The following GOLPH3L variants were observed in gnomAD, a reference collection of about 807,000 sequenced individuals.
GOLPH3L encodes Golgi phosphoprotein 3-like.
Under a neutral mutation model 30.3 loss-of-function variants are expected in GOLPH3L, and 22 were observed. That is an observed-to-expected ratio of 0.73 (90% CI 0.52 to 1.04). GOLPH3L has a LOEUF of 1.04. GOLPH3L is among the 50% of genes least tolerant of loss of function. The pLI, the probability that GOLPH3L is intolerant of heterozygous loss-of-function variation, is 0.00. For missense variants in GOLPH3L, 303 were observed against 345.8 expected, an observed-to-expected ratio of 0.88 and a Z score of 0.98; for synonymous variants, 120 against 128.2, an observed-to-expected ratio of 0.94 and a Z score of 0.43.
chr1:150,658,834 T>C (rs12032445), intron 4 of GOLPH3L, among the ~76,000 whole-genome samples: 11,331 of 152,274 alleles, frequency 0.074, 594 homozygotes, highest in East Asian at 0.19. Context: ...CTGTAGGAGC[T>C]AAACATAAGG....
chr1:150,689,334 G>T lies in GOLPH3L; in HGVS notation c.183+5322C>A, dbSNP rs587693994. Among the ~76,000 whole-genome samples, 12 of 152,236 alleles carry T rather than the reference G, an allele frequency of 7.9e-5. No individual in the cohort carries two copies. In the South Asian group the frequency reaches 2.3e-3, roughly 29 times the overall value. On this transcript the variant is annotated intron_variant, in intron 2 of 4. Coordinates refer to ENST00000271732, the MANE Select transcript of GOLPH3L (RefSeq NM_018178.6). ...CTTACTCCCCTTACAGGTAACTTAA[G>T]AAACGATTCTAATAAATGAAAAGTT...
chr1:150,648,286 C>A lies in GOLPH3L; in HGVS notation c.*35G>T. ...TGATGGGGTCTCTGACAGTCACCAG[C>A]CAGCAGGGGAAAAGGAGAAATCCAC... On this transcript the variant is annotated 3_prime_UTR_variant, in exon 5 of 5. Transcript: ENST00000271732. 1 of 1,456,878 alleles carries A rather than the reference C, an allele frequency of 6.9e-7. No homozygotes were observed. The highest frequency in any genetic ancestry group is 9.4e-7 in the Non-Finnish European group (1 of 1,064,208). 90.2% of individuals were successfully genotyped at this position (1,456,878 alleles called of 1,614,324 possible). A position where few individuals can be genotyped will look rare whatever the true frequency, so the allele number is the denominator to read the frequency against.
rs138904157 is a variant in GOLPH3L at position 150,648,139 on chromosome 1, A to G, written c.*182T>C. 1.9e-6 allele frequency: 1 copy of G among 517,210 alleles called. No individual in the cohort carries two copies. The highest frequency in any genetic ancestry group is 1.9e-5 in the African/African-American group (1 of 52,714). 32.0% of individuals were successfully genotyped at this position (517,210 alleles called of 1,614,324 possible). On this transcript the variant is annotated 3_prime_UTR_variant, in exon 5 of 5. Coordinates refer to ENST00000271732, the MANE Select transcript of GOLPH3L (RefSeq NM_018178.6). ...ATGGAGTGGAAGTGTAGGGAGAAATAAGGTCTGCTTATAATGGTCAAGGTC... is the reference window on the plus strand; with the variant it reads ...ATGGAGTGGAAGTGTAGGGAGAAATGAGGTCTGCTTATAATGGTCAAGGTC...
At chr1:150,654,375 G>T (rs1405239554) in intron 4 of GOLPH3L, among the ~76,000 whole-genome samples, 1 of 151,534 alleles carries the variant, frequency 6.6e-6, no homozygotes, top group Admixed American at 6.6e-5. Flanking sequence ...GTGTGGTGGT[G>T]GGAGCCTGTA....
intron 2 of GOLPH3L, among the ~76,000 whole-genome samples, chr1:150,670,754 T>G (rs954441618): frequency 1.3e-5 from 2 of 152,236 alleles, no homozygotes; most frequent in African/African-American, 2.4e-5. Flanking sequence ...ATATTATTTC[T>G]AGAAATGGCA....
intron 4 of GOLPH3L, among the ~76,000 whole-genome samples, chr1:150,649,570 A>G (rs1650058009): frequency 6.6e-6 from 1 of 152,224 alleles, no homozygotes; most frequent in Non-Finnish European, 1.5e-5. Context: ...CCAGAGAAAC[A>G]GAAAGCCAAG....
intron 2 of GOLPH3L, among the ~76,000 whole-genome samples, chr1:150,690,032 G>A (rs1027792793): frequency 6.6e-6 from 1 of 151,930 alleles, no homozygotes; most frequent in African/African-American, 2.4e-5. Flanking sequence ...TGTCACCCAG[G>A]TTGGAGTACA....
intron 2 of GOLPH3L, among the ~76,000 whole-genome samples, chr1:150,689,055 A>T (rs1465982882): frequency 6.6e-6 from 1 of 152,102 alleles, no homozygotes; most frequent in Non-Finnish European, 1.5e-5. Context: ...ATTCAATAAA[A>T]TTTTTGGTGA....
At chr1:150,649,607 C>G (rs960207227) in intron 4 of GOLPH3L, among the ~76,000 whole-genome samples, 7 of 152,174 alleles carry the variant, frequency 4.6e-5, no homozygotes, top group Admixed American at 2.0e-4. Context: ...TCATGACCAA[C>G]ACTGGGGGTT....
chr1:150,689,607 T>G (rs1157359341), intron 2 of GOLPH3L, among the ~76,000 whole-genome samples: 4 of 152,186 alleles, frequency 2.6e-5, no homozygotes, highest in Non-Finnish European at 5.9e-5. Flanking sequence ...TTAAATTTCT[T>G]GATTGTTTTC....
chr1:150,679,976 AATG>A (rs1352359253), intron 2 of GOLPH3L, among the ~76,000 whole-genome samples: 1 of 152,126 alleles, frequency 6.6e-6, no homozygotes, highest in Non-Finnish European at 1.5e-5. Flanking sequence ...AAAAGAATAA[AATG>A]ATTATTGCTA....
At chr1:150,668,654 A>G (rs1331512412) in intron 2 of GOLPH3L, among the ~76,000 whole-genome samples, 1 of 152,132 alleles carries the variant, frequency 6.6e-6, no homozygotes, top group East Asian at 1.9e-4. Context: ...AAGTACTAAA[A>G]TTACAGGTGT....
In GOLPH3L at chr1:150,648,627, G is replaced by A; in HGVS notation, c.552C>T (p.Asp184=). 1 of 1,613,830 alleles carries A rather than the reference G, an allele frequency of 6.2e-7. No homozygotes were observed. Among genetic ancestry groups the A allele is most frequent in the Non-Finnish European group, 8.5e-7 (1 of 1,179,778 alleles). Residue 184 remains aspartate (D), a synonymous_variant, in exon 5 of 5, where the codon GAC becomes GAT. Coordinates refer to ENST00000271732, the MANE Select transcript of GOLPH3L (RefSeq NM_018178.6). The stretch of plus-strand genomic sequence containing the variant: ...TATTGGTCACTGGATGAGTAGTCAT[G>A]TCAAATAGCAGGAAATTCTGCTTCT... ...TTEKQNFLLF[D]MTTHPVTNTT...
chr1:150,648,373 G>C lies in GOLPH3L; in HGVS notation c.806C>G (p.Pro269Arg). 6.2e-7 allele frequency: 1 copy of C among 1,613,926 alleles called. No individual in the cohort carries two copies. Residue 269 changes from proline to arginine, a missense_variant, in exon 5 of 5, where the codon CCT becomes CGT. By Grantham distance (103) the Pro-to-Arg change is moderately radical. Coordinates refer to ENST00000271732, the MANE Select transcript of GOLPH3L (RefSeq NM_018178.6). ...ELDPEVEGTK[P>R]SATEMIWAVL... ...AGCCCAGATCATTTCTGTGGCACTA[G>C]GCTTTGTCCCTTCCACTTCAGGGTC...
chr1:150,683,732 A>AAGAG (rs1557788525), intron 2 of GOLPH3L, among the ~76,000 whole-genome samples: 7 of 70,468 alleles, frequency 9.9e-5, no homozygotes, highest in African/African-American at 3.2e-4. Flanking sequence ...AAAAAAAAAA[A>AAGAG]AGAGAGATAC....
intron 4 of GOLPH3L, among the ~76,000 whole-genome samples, chr1:150,652,271 C>T (rs1650119064): frequency 6.7e-6 from 1 of 150,086 alleles, no homozygotes. Context: ...GTCCCAGCTA[C>T]TCAGGAGGCT....
intron 2 of GOLPH3L, among the ~76,000 whole-genome samples, chr1:150,690,363 A>T (rs1278587029): frequency 3.9e-5 from 6 of 152,174 alleles, no homozygotes; most frequent in Non-Finnish European, 5.9e-5. Flanking sequence ...AAAGTTTGGG[A>T]GTTTGGGACA....
chr1:150,671,244 GA>G (rs879500777), intron 2 of GOLPH3L, among the ~76,000 whole-genome samples: 83 of 114,884 alleles, frequency 7.2e-4, no homozygotes, highest in Middle Eastern at 4.8e-3. Flanking sequence ...TCCATCTCAA[GA>G]AAAAAAAAAA....
rs763652239 is a variant in GOLPH3L at position 150,648,741 on chromosome 1, G to C, written c.438C>G (p.Thr146=). 5.6e-6 allele frequency: 9 copies of C among 1,601,034 alleles called. No homozygotes were observed. The highest frequency in any genetic ancestry group is 1.3e-5 in the African/African-American group (1 of 74,484). ...QTWIELLTGE[T]WNPFKLQYQL... Reference sequence around the variant, plus strand: ...GGTACTGTAATTTGAAGGGGTTCCAGGTCTCACCTATGAGAAAAAAGAAAT... The same window carrying C: ...GGTACTGTAATTTGAAGGGGTTCCACGTCTCACCTATGAGAAAAAAGAAAT... The change falls in exon 5 of 5, where the codon ACC becomes ACG. Residue 146 remains threonine (T), a synonymous_variant. Transcript: ENST00000271732.
Sources: allele counts gnomAD v4.1 joint callset (sites outside exome capture counted in the v4.1 genomes callset), GRCh38; gene constraint gnomAD v4.1.1; transcripts MANE v1.5; gene names NCBI Gene and HGNC (gene_info 2026-07-23, HGNC 2026-07-21).